KCNK18: variants seen among roughly 807,000 people sequenced by gnomAD.
The protein encoded by KCNK18 is potassium two pore domain channel subfamily K member 18.
A neutral mutation model predicts 11.8 loss-of-function variants in KCNK18; 8 were observed. The observed-to-expected ratio is 0.68, with a 90% CI of 0.40 to 1.22. KCNK18 has a LOEUF of 1.22. Among genes scored for constraint, KCNK18 ranks in the 50% most tolerant of loss-of-function variants. The probability of loss-of-function intolerance (pLI) is 0.01; values close to 1 mark genes in which losing one functional copy is unlikely to be tolerated. For missense variants in KCNK18, 442 were observed against 465.4 expected (o/e 0.95, Z 0.46); for synonymous variants, 208 against 185.8 (o/e 1.12, Z -0.97).
chr10:117,203,439 C>T (rs993741876), intron 2 of KCNK18, among the ~76,000 whole-genome samples: 1 of 152,160 alleles, frequency 6.6e-6, no homozygotes, highest in Non-Finnish European at 1.5e-5. Flanking sequence ...ACCCACAGCT[C>T]AGGGGATGCT....
intron 1 of KCNK18, among the ~76,000 whole-genome samples, chr10:117,200,804 CTT>C (rs1405940562): frequency 7.9e-6 from 1 of 126,358 alleles, no homozygotes; most frequent in Non-Finnish European, 1.8e-5. Flanking sequence ...GAGCAAGACT[CTT>C]GTCTCAAGAA....
In KCNK18 at chr10:117,209,586, C is replaced by T. The variant is rs773770407; in HGVS notation, c.442C>T (p.Leu148Phe). Residue 148 changes from leucine to phenylalanine, a missense_variant, in exon 3 of 3, where the codon CTC (leucine) becomes TTC (phenylalanine). Leu to Phe is a conservative substitution (Grantham distance 22). Coordinates refer to ENST00000334549, the MANE Select transcript of KCNK18 (RefSeq NM_181840.1). ...TGGTATCCCCCTGATGTTCCTCGTTCTCACGGACACAGGCGACATCCTGGC... is the reference window on the plus strand; with the variant it reads ...TGGTATCCCCCTGATGTTCCTCGTTTTCACGGACACAGGCGACATCCTGGC... ...LFGIPLMFLV[L>F]TDTGDILATI... 9 of 1,614,164 alleles carry T rather than the reference C, an allele frequency of 5.6e-6. No homozygotes were observed. The South Asian group carries it at 7.7e-5, about 14-fold the overall frequency.
intron 1 of KCNK18, among the ~76,000 whole-genome samples, chr10:117,199,655 C>G (rs1854990675): frequency 2.0e-5 from 3 of 152,220 alleles, no homozygotes; most frequent in African/African-American, 7.2e-5. Context: ...AGAGCCTGAA[C>G]CTTTCACCAC....
At chr10:117,202,795 C>A (rs878499) in intron 2 of KCNK18, among the ~76,000 whole-genome samples, 2 of 151,796 alleles carry the variant, frequency 1.3e-5, no homozygotes, top group African/African-American at 2.4e-5. Flanking sequence ...GGTGGGCAAC[C>A]GGTGTCTGCT....
chr10:117,205,910 CA>C (rs1564991321), intron 2 of KCNK18, among the ~76,000 whole-genome samples: 2 of 152,028 alleles, frequency 1.3e-5, no homozygotes, highest in African/African-American at 2.4e-5. Context: ...ATTAACCAGG[CA>C]TGGTGGTGGG....
chr10:117,202,891 T>TTTTTG (rs1855032009), intron 2 of KCNK18, among the ~76,000 whole-genome samples: 1 of 119,810 alleles, frequency 8.3e-6, no homozygotes, highest in African/African-American at 2.9e-5. Context: ...GAATGCTTTT[T>TTTTTG]TTTTTTTTTT....
intron 2 of KCNK18, among the ~76,000 whole-genome samples, chr10:117,208,042 G>T (rs913162025): frequency 2.0e-5 from 3 of 152,130 alleles, no homozygotes; most frequent in Admixed American, 2.0e-4. Context: ...GGCTCCCGAC[G>T]GGGATGGAGA....
chr10:117,202,948 C>T (rs1488123599), intron 2 of KCNK18, among the ~76,000 whole-genome samples: 2 of 132,782 alleles, frequency 1.5e-5, no homozygotes, highest in African/African-American at 5.9e-5. Context: ...ACAATCTTGG[C>T]TCACTGCAAC....
At position 117,209,638 on chromosome 10, in the gene KCNK18, G is replaced by T. The variant is rs754933928; in HGVS notation, c.494G>T (p.Arg165Leu). Reference sequence around the variant, plus strand: ...ACCATCTTATCTACATCTTATAATCGGTTCCGAAAATTCCCTTTCTTTACC... The same window carrying T: ...ACCATCTTATCTACATCTTATAATCTGTTCCGAAAATTCCCTTTCTTTACC... ...LATILSTSYN[R>L]FRKFPFFTRP... is the part of the protein sequence containing the mutation. Residue 165 changes from arginine (R) to leucine (L), a missense_variant, in exon 3 of 3, where the codon CGG becomes CTG. Physicochemically the swap from Arg to Leu is moderately radical, Grantham distance 102 (BLOSUM62 -2). Coordinates refer to ENST00000334549, the MANE Select transcript of KCNK18 (RefSeq NM_181840.1). 1.2e-6 allele frequency: 2 copies of T among 1,613,986 alleles called. No homozygotes were observed. The highest frequency in any genetic ancestry group is 1.7e-6 in the Non-Finnish European group (2 of 1,180,004).
chr10:117,209,448 A>G lies in KCNK18; in HGVS notation c.353-49A>G, dbSNP rs995536055. On this transcript the variant is annotated intron_variant, in intron 2 of 2. Transcript: ENST00000334549. ...GGTCTCTTTAAAGCTTTTGGGGGGA[A>G]AAAGGGAAGGGGCCAGATGCAAACT... The G allele has an allele frequency of 4.0e-6, 6 of 1,501,696 alleles. No individual in the cohort carries two copies. The African/African-American group carries it at 5.5e-5, about 14-fold the overall frequency. 93.0% of individuals were successfully genotyped at this position (1,501,696 alleles called of 1,614,324 possible).
At chr10:117,202,885 GCTTTTTT>G (rs1440283132) in intron 2 of KCNK18, among the ~76,000 whole-genome samples, 2 of 111,294 alleles carry the variant, frequency 1.8e-5, no homozygotes, top group Non-Finnish European at 3.5e-5. Flanking sequence ...TTGCCTGAAT[GCTTTTTT>G]TTTTTTTTTT....
At chr10:117,201,342 G>T in intron 2 of KCNK18, 55 bp downstream of exon 2, 1 of 1,596,658 alleles carries the variant, frequency 6.3e-7, no homozygotes, top group South Asian at 1.1e-5. Flanking sequence ...GTGGGTTTCT[G>T]GGTGGCAAAG....
intron 2 of KCNK18, among the ~76,000 whole-genome samples, chr10:117,207,732 C>T (rs1197439638): frequency 1.3e-5 from 2 of 152,172 alleles, no homozygotes; most frequent in Non-Finnish European, 2.9e-5. Context: ...CCTGAATGCC[C>T]ACCTGCTCTT....
At chr10:117,198,829 G>A (rs944355505) in intron 1 of KCNK18, among the ~76,000 whole-genome samples, 23 of 152,182 alleles carry the variant, frequency 1.5e-4, no homozygotes, top group African/African-American at 5.5e-4. Context: ...ACGCCAGCCT[G>A]CTCAGTGGAC....
chr10:117,198,978 AAC>A, intron 1 of KCNK18, among the ~76,000 whole-genome samples: 1 of 152,264 alleles, frequency 6.6e-6, no homozygotes, highest in South Asian at 2.1e-4. Flanking sequence ...CTCTTCTCCA[AAC>A]CCACTTAATC....
chr10:117,206,617 C>T (rs1436230487), intron 2 of KCNK18, among the ~76,000 whole-genome samples: 1 of 152,162 alleles, frequency 6.6e-6, no homozygotes, highest in African/African-American at 2.4e-5. Flanking sequence ...TGCCCACCTC[C>T]CGGCCTCCCC....
At chr10:117,201,544 C>T (rs772272811) in intron 2 of KCNK18, among the ~76,000 whole-genome samples, 1 of 152,360 alleles carries the variant, frequency 6.6e-6, no homozygotes. Context: ...GAGGTGGGTG[C>T]TGTTATTGTT....
intron 1 of KCNK18, among the ~76,000 whole-genome samples, chr10:117,200,814 GA>G (rs36101740): frequency 6.2e-5 from 9 of 145,506 alleles, no homozygotes; most frequent in Non-Finnish European, 7.5e-5. Flanking sequence ...CTTGTCTCAA[GA>G]AAAAAAAAAA....
intron 2 of KCNK18, among the ~76,000 whole-genome samples, chr10:117,205,809 G>A (rs144090843): frequency 1.3e-5 from 2 of 152,172 alleles, no homozygotes; most frequent in African/African-American, 2.4e-5. Flanking sequence ...CAGCACTTTG[G>A]GGGGCTGAGG....
Sources: allele counts gnomAD v4.1 joint callset (sites outside exome capture counted in the v4.1 genomes callset), GRCh38; gene constraint gnomAD v4.1.1; transcripts MANE v1.5; gene names NCBI Gene and HGNC (gene_info 2026-07-23, HGNC 2026-07-21).